ME1: variants seen among roughly 807,000 people sequenced by gnomAD.
ME1 encodes the protein malic enzyme 1.
A neutral mutation model predicts 66.4 loss-of-function variants in ME1; 74 were observed. The observed-to-expected ratio is 1.11, with a 90% confidence interval of 0.92 to 1.35. ME1 has a LOEUF of 1.35. Among genes scored for constraint, ME1 ranks in the 40% most tolerant of loss-of-function variants. ME1 has a pLI of 0.00. For synonymous variants in ME1, 251 were observed against 235.6 expected (o/e 1.07, Z -0.60); for missense variants, 750 against 694.1 (o/e 1.08, Z -0.90).
chr6:83,408,738 G>A (rs945187863), intron 1 of ME1, among the ~76,000 whole-genome samples: 10 of 152,160 alleles, frequency 6.6e-5, no homozygotes, highest in South Asian at 2.1e-4. Context: ...AGCAGCTCCC[G>A]TAGTCATTAA....
At chr6:83,221,133 T>C (rs1370330560) in intron 12 of ME1, among the ~76,000 whole-genome samples, 2 of 148,314 alleles carry the variant, frequency 1.3e-5, no homozygotes, top group African/African-American at 5.1e-5. Context: ...ACACTCCAGC[T>C]TGGCAACAGA....
chr6:83,323,715 T>C (rs1436921033), intron 5 of ME1, among the ~76,000 whole-genome samples: 1 of 152,140 alleles, frequency 6.6e-6, no homozygotes, highest in Non-Finnish European at 1.5e-5. Flanking sequence ...CAAAAAGACC[T>C]AGACTCCCAC....
chr6:83,372,000 C>A (rs115619007), intron 3 of ME1, among the ~76,000 whole-genome samples: 133 of 152,152 alleles, frequency 8.7e-4, no homozygotes, highest in African/African-American at 3.1e-3. Flanking sequence ...GTGTTTATCA[C>A]GCAATATTAT....
intron 5 of ME1, among the ~76,000 whole-genome samples, chr6:83,333,342 G>A (rs761789259): frequency 6.6e-6 from 1 of 152,122 alleles, no homozygotes; most frequent in Non-Finnish European, 1.5e-5. Flanking sequence ...ATGTGAAACT[G>A]CCACTACATA....
intron 1 of ME1, among the ~76,000 whole-genome samples, chr6:83,409,060 A>T (rs1769998236): frequency 6.6e-6 from 1 of 152,004 alleles, no homozygotes; most frequent in Non-Finnish European, 1.5e-5. Context: ...AGAGCTTTTC[A>T]CCCCTTCTGC....
chr6:83,317,661 TCTC>T (rs540460989), intron 5 of ME1, among the ~76,000 whole-genome samples: 27 of 152,100 alleles, frequency 1.8e-4, no homozygotes, highest in Non-Finnish European at 2.6e-4. Context: ...TTTATTTCCT[TCTC>T]CTGCCTAATT....
chr6:83,286,723 G>C (rs529052531), intron 6 of ME1, among the ~76,000 whole-genome samples: 1 of 152,208 alleles, frequency 6.6e-6, no homozygotes, highest in East Asian at 1.9e-4. Context: ...GATAAACACA[G>C]GAGCAGGCTG....
chr6:83,383,902 A>G (rs1219275153), intron 3 of ME1, among the ~76,000 whole-genome samples: 1 of 151,928 alleles, frequency 6.6e-6, no homozygotes, highest in Non-Finnish European at 1.5e-5. Flanking sequence ...AAATTTTACC[A>G]TAGCAAAGAT....
chr6:83,367,941 A>G (rs1323214482), intron 3 of ME1, among the ~76,000 whole-genome samples: 2 of 152,146 alleles, frequency 1.3e-5, no homozygotes, highest in Non-Finnish European at 2.9e-5. Context: ...ACTAAGCTTA[A>G]TCATTTCCAG....
rs374815702 is a variant in ME1 at position 83,346,896 on chromosome 6, T to G, written c.439-562A>C. 3.4e-3 allele frequency among the ~76,000 whole-genome samples: 521 copies of G among 152,248 alleles called. 5 individuals carry two copies. Among genetic ancestry groups the G allele is most frequent in the South Asian group, 0.018 (86 of 4,824 alleles). ...TACTTCTTACCTGAAAATTTTCCAC[T>G]AGACTTAATGAATTTTGTCTTTCTC... On this transcript the variant is annotated intron_variant, in intron 4 of 13. Coordinates refer to ENST00000369705, the MANE Select transcript of ME1 (RefSeq NM_002395.6).
intron 5 of ME1, among the ~76,000 whole-genome samples, chr6:83,315,742 C>T (rs1267141728): frequency 1.3e-5 from 2 of 151,948 alleles, no homozygotes; most frequent in African/African-American, 4.8e-5. Context: ...TACAAAAGAA[C>T]AAAAATTAGC....
chr6:83,215,697 G>A (rs1789977574), intron 13 of ME1, among the ~76,000 whole-genome samples: 1 of 152,182 alleles, frequency 6.6e-6, no homozygotes. Flanking sequence ...CACAGAAAGA[G>A]GGCAGCCATC....
chr6:83,348,078 G>A (rs1562486883), intron 4 of ME1, among the ~76,000 whole-genome samples: 1 of 152,112 alleles, frequency 6.6e-6, no homozygotes, highest in Non-Finnish European at 1.5e-5. Flanking sequence ...ACATTTGGGA[G>A]GTAGGTGAAA....
chr6:83,342,721 G>C (rs1170282054), intron 5 of ME1, among the ~76,000 whole-genome samples: 1 of 151,910 alleles, frequency 6.6e-6, no homozygotes, highest in African/African-American at 2.4e-5. Flanking sequence ...TAGTTTTGCT[G>C]TTGTTGCCCA....
intron 5 of ME1, among the ~76,000 whole-genome samples, chr6:83,339,998 T>C (rs1371136334): frequency 1.3e-5 from 2 of 150,310 alleles, no homozygotes; most frequent in Non-Finnish European, 3.0e-5. Context: ...AAAAGAAATG[T>C]GAAATACTAT....
intron 7 of ME1, among the ~76,000 whole-genome samples, chr6:83,240,437 C>T (rs1790490709): frequency 6.6e-6 from 1 of 152,068 alleles, no homozygotes; most frequent in Non-Finnish European, 1.5e-5. Context: ...CATCATGTCT[C>T]ATAGGCATAA....
intron 1 of ME1, among the ~76,000 whole-genome samples, chr6:83,413,102 G>A (rs1770083561): frequency 1.3e-5 from 2 of 151,992 alleles, no homozygotes; most frequent in African/African-American, 4.8e-5. Context: ...CACCTCCTAG[G>A]CTCAAGTGAT....
At chr6:83,233,611 G>A (rs1035110572) in intron 9 of ME1, among the ~76,000 whole-genome samples, 1 of 151,990 alleles carries the variant, frequency 6.6e-6, no homozygotes, top group African/African-American at 2.4e-5. Context: ...CACAGTTCAT[G>A]TTTGAGTTTT....
At chr6:83,355,468 C>CA (rs1768870096) in intron 3 of ME1, among the ~76,000 whole-genome samples, 2 of 152,040 alleles carry the variant, frequency 1.3e-5, no homozygotes, top group African/African-American at 4.8e-5. Context: ...AATTAAATGC[C>CA]AATGTTTATT....
Sources: allele counts gnomAD v4.1 joint callset (sites outside exome capture counted in the v4.1 genomes callset), GRCh38; gene constraint gnomAD v4.1.1; transcripts MANE v1.5; gene names NCBI Gene and HGNC (gene_info 2026-07-23, HGNC 2026-07-21).